MYO6: variants seen among roughly 807,000 people sequenced by gnomAD.
MYO6 encodes myosin VI, also known as unconventional myosin-VI.
MYO6 carries 74 observed loss-of-function variants against 178.7 expected under a neutral mutation model. The observed-to-expected ratio is 0.41, with a 90% CI of 0.34 to 0.50. The LOEUF (loss-of-function observed/expected upper bound fraction) is 0.50. Among genes scored for constraint, MYO6 ranks in the 20% least tolerant of loss-of-function variants. MYO6 has a pLI of 0.09. For missense variants in MYO6, 1,330 were observed against 1,547.4 expected (o/e 0.86, Z 2.36); for synonymous variants, 477 against 504.6 (o/e 0.95, Z 0.73).
chr6:75,808,061 ATGT>A (rs1770279490), intron 1 of MYO6, among the ~76,000 whole-genome samples: 1 of 152,082 alleles, frequency 6.6e-6, no homozygotes, highest in African/African-American at 2.4e-5. Context: ...TTCTATTATT[ATGT>A]TGTTAAAGAA....
chr6:75,907,850 C>G (rs1302402985), intron 31 of MYO6, 142 bp downstream of exon 31: 2 of 688,162 alleles, frequency 2.9e-6, no homozygotes. Context: ...CCTATATTAT[C>G]TGAATCTTTT....
At chr6:75,771,455 C>T (rs1765890332) in intron 1 of MYO6, among the ~76,000 whole-genome samples, 1 of 152,074 alleles carries the variant, frequency 6.6e-6, no homozygotes, top group Admixed American at 6.6e-5. Flanking sequence ...GTAGTTGTTC[C>T]TCATCAAAAC....
intron 26 of MYO6, among the ~76,000 whole-genome samples, chr6:75,890,996 C>T (rs1386669347): frequency 6.6e-6 from 1 of 152,128 alleles, no homozygotes; most frequent in African/African-American, 2.4e-5. Flanking sequence ...TAACCACATT[C>T]ATCTAGAGAT....
At chr6:75,879,243 AGTTTT>A (rs148302245) in intron 20 of MYO6, among the ~76,000 whole-genome samples, 6 of 151,698 alleles carry the variant, frequency 4.0e-5, no homozygotes, top group African/African-American at 7.3e-5. Flanking sequence ...ATCTTTCCTT[AGTTTT>A]GTTTTGTTTT....
chr6:75,763,320 G>T (rs570587654), intron 1 of MYO6, among the ~76,000 whole-genome samples: 5 of 152,062 alleles, frequency 3.3e-5, no homozygotes, highest in African/African-American at 1.2e-4. Flanking sequence ...CACTGTGCCC[G>T]GCATAATTTT....
intron 30 of MYO6, among the ~76,000 whole-genome samples, chr6:75,901,039 G>C (rs572154716): frequency 0.016 from 2,459 of 152,078 alleles, 71 homozygotes; most frequent in African/African-American, 0.057. Flanking sequence ...AGATCAGATA[G>C]TTGTAGATAT....
At chr6:75,877,975 C>T (rs1777696573) in intron 20 of MYO6, among the ~76,000 whole-genome samples, 1 of 152,108 alleles carries the variant, frequency 6.6e-6, no homozygotes, top group Non-Finnish European at 1.5e-5. Context: ...TTATTTGATA[C>T]AAGTGGGCAA....
At chr6:75,836,520 G>A (rs1773660868) in intron 7 of MYO6, among the ~76,000 whole-genome samples, 1 of 151,890 alleles carries the variant, frequency 6.6e-6, no homozygotes. Flanking sequence ...TCTTCACTTA[G>A]ATTCTTACTT....
intron 4 of MYO6, 139 bp from the exon 5 acceptor site, chr6:75,830,277 G>A (rs960937709): frequency 3.0e-5 from 21 of 694,300 alleles, no homozygotes; most frequent in Middle Eastern, 8.2e-4. Context: ...AATACTCAGG[G>A]AATATTTAGG....
At chr6:75,786,016 A>G (rs1767527455) in intron 1 of MYO6, among the ~76,000 whole-genome samples, 1 of 151,914 alleles carries the variant, frequency 6.6e-6, no homozygotes, top group African/African-American at 2.4e-5. Flanking sequence ...CCCAGGTTCA[A>G]GTGATTCTCC....
rs1779117035 is a variant in MYO6 at position 75,894,170 on chromosome 6, T to C, written c.3108-1061T>C. On this transcript the variant is annotated intron_variant, in intron 28 of 34. Transcript: ENST00000369977. The stretch of plus-strand genomic sequence containing the variant: ...ACTTGAAATGTTAAGCTGTATCCAG[T>C]GCCATTCCATATACTGTATACAAGA... Among the ~76,000 whole-genome samples, 3 of 152,220 alleles carry C rather than the reference T, an allele frequency of 2.0e-5. No individual in the cohort carries two copies. In the South Asian group the frequency reaches 6.2e-4, roughly 32 times the overall value.
At position 75,866,938 on chromosome 6, in the gene MYO6, T is replaced by C. The variant is rs1776753153; in HGVS notation, c.1777T>C (p.Phe593Leu). Residue 593 changes from phenylalanine (F) to leucine (L), a missense_variant, in exon 18 of 35, where the codon TTT (phenylalanine) becomes CTT (leucine). Coordinates refer to ENST00000369977, the MANE Select transcript of MYO6 (RefSeq NM_004999.4). The part of the protein sequence containing the change: ...AGAVCYETTQ[F>L]VEKNNDALHM... ...TGTTTGATTTATTTTTCAGACCCAG[T>C]TTGTGGAGAAAAATAATGATGCTTT... is the stretch of plus-strand genomic sequence containing the variant. The C allele has an allele frequency of 6.2e-7, 1 of 1,613,854 alleles. No homozygotes were observed. The highest frequency in any genetic ancestry group is 1.7e-5 in the Admixed American group (1 of 60,008).
chr6:75,851,773 C>T (rs1021192686), intron 11 of MYO6, among the ~76,000 whole-genome samples: 10 of 151,932 alleles, frequency 6.6e-5, no homozygotes, highest in Admixed American at 2.6e-4. Flanking sequence ...CCCTGGCGGT[C>T]GAGGCTGCAG....
intron 30 of MYO6, among the ~76,000 whole-genome samples, 157 bp downstream of exon 30, chr6:75,898,568 AC>A (rs2149388475): frequency 6.6e-6 from 1 of 152,074 alleles, no homozygotes; most frequent in African/African-American, 2.4e-5. Context: ...CTTCTCCCTC[AC>A]CCCACCCAAC....
At chr6:75,787,605 G>C (rs950417268) in intron 1 of MYO6, among the ~76,000 whole-genome samples, 1 of 146,454 alleles carries the variant, frequency 6.8e-6, no homozygotes, top group African/African-American at 2.5e-5. Context: ...TGACTACAAA[G>C]GGGGCATGAG....
At chr6:75,754,623 A>G (rs1777191166) in intron 1 of MYO6, among the ~76,000 whole-genome samples, 1 of 151,182 alleles carries the variant, frequency 6.6e-6, no homozygotes, top group African/African-American at 2.4e-5. Context: ...TATGTGGATG[A>G]ACATCTTTTT....
chr6:75,895,181 C>T (rs779671857), intron 28 of MYO6, 50 bp from the exon 29 acceptor site: 27 of 1,416,046 alleles, frequency 1.9e-5, no homozygotes, highest in Non-Finnish European at 2.7e-5. Flanking sequence ...TCCAGATTTT[C>T]ACAGTTCACA....
chr6:75,871,323 C>T (rs1024855000), intron 19 of MYO6, among the ~76,000 whole-genome samples: 3 of 152,150 alleles, frequency 2.0e-5, no homozygotes, highest in Non-Finnish European at 2.9e-5. Context: ...AATCACAACT[C>T]GCTGCAACCT....
chr6:75,865,607 C>T lies in MYO6; in HGVS notation c.1675-919C>T, dbSNP rs191310604. Among the ~76,000 whole-genome samples the T allele has an allele frequency of 3.1e-3, 465 of 152,002 alleles. 1 individual carries two copies. Among genetic ancestry groups the T allele is most frequent in the African/African-American group, 0.01 (428 of 41,488 alleles). On this transcript the variant is annotated intron_variant, in intron 16 of 34. Coordinates refer to ENST00000369977, the MANE Select transcript of MYO6 (RefSeq NM_004999.4). The stretch of plus-strand genomic sequence containing the variant: ...CTCAAACTCCTGAACTCAAGCATTC[C>T]GCCTGCCTCAGCCTCCCGAAGTGCT...
Sources: gnomAD v4.1 joint callset for allele counts (sites outside exome capture counted in the v4.1 genomes callset) on GRCh38, gnomAD v4.1.1 for gene constraint, MANE v1.5 for transcripts, NCBI Gene and HGNC (gene_info 2026-07-23, HGNC 2026-07-21) for gene names.